Variants in UGT1A6 observed in about 807,000 individuals in gnomAD.
UGT1A6 encodes the protein UDP-glucuronosyltransferase 1A6.
UGT1A6 carries 32 observed loss-of-function variants against 44.4 expected under a neutral mutation model. The observed-to-expected ratio is 0.72, with a 90% CI of 0.54 to 0.97. The LOEUF (loss-of-function observed/expected upper bound fraction) is 0.97. Among genes scored for constraint, UGT1A6 ranks in the 50% least tolerant of loss-of-function variants. The pLI, the probability that UGT1A6 is intolerant of heterozygous loss-of-function variation, is 0.00. For missense variants in UGT1A6, 685 were observed against 661.9 expected, an observed-to-expected ratio of 1.03 and a Z score of -0.38; for synonymous variants, 238 against 248.5, an observed-to-expected ratio of 0.96 and a Z score of 0.40.
intron 1 of UGT1A6, chr2:233,718,059 G>A (rs999688691): frequency 1.4e-5 from 5 of 357,064 alleles, no homozygotes; most frequent in East Asian, 7.4e-5. Context: ...TGAACCCACC[G>A]TGGGTCCTTG....
chr2:233,719,060 T>A (rs2076720439), intron 1 of UGT1A6: 2 of 1,614,258 alleles, frequency 1.2e-6, no homozygotes, highest in Middle Eastern at 1.6e-4. Flanking sequence ...TGACAGCCTA[T>A]GCTGTTCCAT....
Position 233,772,667 on chromosome 2 carries a change from T to C in UGT1A6, c.*108T>C. On this transcript the variant is annotated 3_prime_UTR_variant, in exon 5 of 5. Transcript: ENST00000305139. Reference sequence around the variant, plus strand: ...TTTTATTCTTATTAAGGAAATACTTTGCATAAATTAATCAGCCCCAGAGTG... The same window carrying C: ...TTTTATTCTTATTAAGGAAATACTTCGCATAAATTAATCAGCCCCAGAGTG... The C allele has an allele frequency of 2.0e-6, 3 of 1,538,078 alleles. No individual in the cohort carries two copies. Among genetic ancestry groups the C allele is most frequent in the Admixed American group, 4.0e-5 (2 of 50,106 alleles).
intron 1 of UGT1A6, chr2:233,728,958 A>T (rs2077771946): frequency 1.4e-6 from 2 of 1,444,154 alleles, no homozygotes; most frequent in African/African-American, 2.9e-5. Context: ...CCCACAGTGA[A>T]AAACAGTGAT....
At position 233,743,563 on chromosome 2, in the gene UGT1A6, C is replaced by T. The variant is rs546286371; in HGVS notation, c.862-23471C>T. 46 of 1,367,298 alleles carry T rather than the reference C, an allele frequency of 3.4e-5. 1 individual carries two copies. Among genetic ancestry groups the T allele is most frequent in the Admixed American group, 5.7e-5 (3 of 52,582 alleles). 84.7% of individuals were successfully genotyped at this position (1,367,298 alleles called of 1,614,324 possible). A position where few individuals can be genotyped will look rare whatever the true frequency, so the allele number is the denominator to read the frequency against. On this transcript the variant is annotated intron_variant, in intron 1 of 4. Transcript: ENST00000305139. The stretch of plus-strand genomic sequence containing the variant: ...CTGACCCCCCCAAAATATTCTCCAG[C>T]GGGTTTCCCAAGAGGTCAAAGGAGA...
rs587776764 is a variant in UGT1A6 at position 233,761,152 on chromosome 2, G to C, written c.862-5882G>C. ...CCTTCACCAAAATCCACTATCCCAG[G>C]TGTGTATTGGAGTGGGACTTTTACA... is the stretch of plus-strand genomic sequence containing the variant. On this transcript the variant is annotated intron_variant, in intron 1 of 4. Coordinates refer to ENST00000305139, the MANE Select transcript of UGT1A6 (RefSeq NM_001072.4). The C allele has an allele frequency of 2.5e-6, 4 of 1,614,084 alleles. No homozygotes were observed. The African/African-American group carries it at 4.0e-5, about 16-fold the overall frequency.
intron 1 of UGT1A6, chr2:233,755,910 A>C (rs1252525299): frequency 2.6e-5 from 4 of 151,394 alleles, no homozygotes; most frequent in African/African-American, 7.3e-5. Flanking sequence ...AAATGTAGTG[A>C]GAAGAGTGGC....
At chr2:233,767,444 TAAA>T (rs1699395657) in intron 2 of UGT1A6, among the ~76,000 whole-genome samples, 1 of 152,186 alleles carries the variant, frequency 6.6e-6, no homozygotes, top group Non-Finnish European at 1.5e-5. Flanking sequence ...TATTTAAAAA[TAAA>T]ATAAATGGGA....
chr2:233,765,218 C>T (rs1413075025), intron 1 of UGT1A6, among the ~76,000 whole-genome samples: 1 of 152,118 alleles, frequency 6.6e-6, no homozygotes, highest in African/African-American at 2.4e-5. Flanking sequence ...GTATTCTTTG[C>T]AAACATAAAA....
intron 1 of UGT1A6, among the ~76,000 whole-genome samples, chr2:233,718,215 G>A (rs2076640910): frequency 1.3e-5 from 2 of 152,122 alleles, no homozygotes; most frequent in African/African-American, 4.8e-5. Context: ...TATATTGACA[G>A]CCACTTCAGA....
At chr2:233,718,875 C>T in intron 1 of UGT1A6, 1 of 1,613,984 alleles carries the variant, frequency 6.2e-7, no homozygotes, top group Middle Eastern at 1.7e-4. Context: ...ACTGCTGCTC[C>T]TCCTCAGTGT....
Position 233,760,233 on chromosome 2 carries a change from C to CATATAT in UGT1A6, c.862-6791_862-6786dup, listed in dbSNP as rs3064744. 17 of 1,510,056 alleles carry CATATAT rather than the reference C, an allele frequency of 1.1e-5. No individual in the cohort carries two copies. The African/African-American group carries it at 1.9e-4, about 17-fold the overall frequency. The allele number at this position is 1,510,056 out of a possible 1,614,324, so 93.5% of individuals were successfully genotyped here. On this transcript the variant is annotated intron_variant, in intron 1 of 4. Coordinates refer to ENST00000305139, the MANE Select transcript of UGT1A6 (RefSeq NM_001072.4). ...ACTTGGTGTATCGATTGGTTTTTGC[C>CATATAT]ATATATATATATATAAGTAGGAGAG...
intron 1 of UGT1A6, chr2:233,760,308 C>A (rs780253764): frequency 4.3e-6 from 7 of 1,613,678 alleles, no homozygotes; most frequent in South Asian, 1.1e-5. Context: ...AGTCCCAGGG[C>A]GGACGCCCAC....
In UGT1A6 at chr2:233,713,249, G is replaced by T; in HGVS notation, c.861+19384G>T. 6.2e-7 allele frequency: 1 copy of T among 1,614,250 alleles called. No individual in the cohort carries two copies. The highest frequency in any genetic ancestry group is 1.7e-5 in the Admixed American group (1 of 60,032). ...CAACGTATGCCATTTCATGGACCCA[G>T]GACGAATTTGATCGCCTTTTGCTGG... On this transcript the variant is annotated intron_variant, in intron 1 of 4. Coordinates refer to ENST00000305139, the MANE Select transcript of UGT1A6 (RefSeq NM_001072.4).
intron 1 of UGT1A6, chr2:233,753,507 T>C (rs1224200791): frequency 6.6e-6 from 1 of 152,242 alleles, no homozygotes; most frequent in African/African-American, 2.4e-5. Context: ...TCAGCCTGTC[T>C]AGTTGTTGCC....
intron 1 of UGT1A6, among the ~76,000 whole-genome samples, chr2:233,750,094 GAGAGCTC>G (rs2125902484): frequency 6.6e-6 from 1 of 152,024 alleles, no homozygotes; most frequent in South Asian, 2.1e-4. Context: ...GAACAGTTTG[GAGAGCTC>G]AGAAGAAGAC....
chr2:233,747,244 T>C lies in UGT1A6; in HGVS notation c.862-19790T>C, dbSNP rs911449982. The stretch of plus-strand genomic sequence containing the variant: ...CACAGGACCCCAGGTTCCCCTGCTG[T>C]GGCTGGCCACAGGAGTGCTACTCCT... On this transcript the variant is annotated intron_variant, in intron 1 of 4. Coordinates refer to ENST00000305139, the MANE Select transcript of UGT1A6 (RefSeq NM_001072.4). 6 of 1,602,806 alleles carry C rather than the reference T, an allele frequency of 3.7e-6. No homozygotes were observed. The African/African-American group carries it at 5.4e-5, about 14-fold the overall frequency.
chr2:233,758,784 C>CAGT (rs1243444315), intron 1 of UGT1A6, among the ~76,000 whole-genome samples: 1 of 152,158 alleles, frequency 6.6e-6, no homozygotes, highest in Non-Finnish European at 1.5e-5. Context: ...GGGATCTGTG[C>CAGT]AGTTATCTTG....
chr2:233,760,837 A>T (rs1440575421), intron 1 of UGT1A6: 4 of 1,613,664 alleles, frequency 2.5e-6, no homozygotes, highest in Non-Finnish European at 3.4e-6. Flanking sequence ...ATTTGAGGCT[A>T]CCCAGTGCCC....
At chr2:233,719,297 G>A (rs45467894) in intron 1 of UGT1A6, 296 of 1,613,968 alleles carry the variant, frequency 1.8e-4, no homozygotes, top group African/African-American at 1.8e-3. Context: ...TCTGTGGGGC[G>A]GTGCTGGCTA....
Sources: allele counts gnomAD v4.1 joint callset (sites outside exome capture counted in the v4.1 genomes callset), GRCh38; gene constraint gnomAD v4.1.1; transcripts MANE v1.5; gene names NCBI Gene and HGNC (gene_info 2026-07-23, HGNC 2026-07-21).